Variants in COA1 observed in about 807,000 individuals in gnomAD.
COA1 encodes cytochrome c oxidase assembly factor 1.
Under a neutral mutation model 16.0 loss-of-function variants are expected in COA1, and 13 were observed. That is an observed-to-expected ratio of 0.81 (90% CI 0.53 to 1.29). The LOEUF is 1.29. Among genes scored for constraint, COA1 ranks in the 50% most tolerant of loss-of-function variants. COA1 has a pLI of 0.00. For missense variants in COA1, 179 were observed against 177.0 expected, an observed-to-expected ratio of 1.01 and a Z score of -0.06; for synonymous variants, 65 against 65.7, an observed-to-expected ratio of 0.99 and a Z score of 0.05.
At chr7:43,706,927 T>C (rs899167639) in intron 1 of COA1, among the ~76,000 whole-genome samples, 1 of 151,368 alleles carries the variant, frequency 6.6e-6, no homozygotes, top group Admixed American at 6.6e-5. Flanking sequence ...TCCCAGCACT[T>C]TGGGAGGCTG....
chr7:43,691,377 GAGGAAGGA>G (rs1196489846), intron 1 of COA1, among the ~76,000 whole-genome samples: 47 of 30,836 alleles, frequency 1.5e-3, no homozygotes, highest in East Asian at 8.4e-3. Context: ...GGGAGGGAGG[GAGGAAGGA>G]AGGAAGGAAG....
downstream of COA1, among the ~76,000 whole-genome samples, chr7:43,636,250 A>G (rs981828115): frequency 1.3e-5 from 2 of 152,214 alleles, no homozygotes; most frequent in Middle Eastern, 3.2e-3. Context: ...ACATGCCTGA[A>G]CCAGGAGCGC....
At chr7:43,688,351 TAAA>T (rs11334124) in intron 1 of COA1, among the ~76,000 whole-genome samples, 1 of 152,074 alleles carries the variant, frequency 6.6e-6, no homozygotes, top group African/African-American at 2.4e-5. Flanking sequence ...ATTTTTATGA[TAAA>T]AAAACTTTCA....
intron 1 of COA1, among the ~76,000 whole-genome samples, chr7:43,711,897 CATATAAT>C (rs1479786283): frequency 6.6e-6 from 1 of 152,118 alleles, no homozygotes; most frequent in African/African-American, 2.4e-5. Flanking sequence ...CATGACTGAA[CATATAAT>C]ATATAAAATA....
intron 1 of COA1, among the ~76,000 whole-genome samples, chr7:43,679,238 G>C (rs2093659796): frequency 1.6e-5 from 2 of 123,920 alleles, no homozygotes; most frequent in South Asian, 5.1e-4. Flanking sequence ...CTGTGCTCCA[G>C]CCTGGGCAAG....
At chr7:43,633,804 ATT>A (rs34223598) in intron 6 of COA1, among the ~76,000 whole-genome samples, 1 of 149,726 alleles carries the variant, frequency 6.7e-6, no homozygotes, top group Non-Finnish European at 1.5e-5. Context: ...ACTCTCAGCC[ATT>A]TTTTTTTTCA....
intron 1 of COA1, among the ~76,000 whole-genome samples, chr7:43,693,151 T>C (rs1172203659): frequency 1.3e-5 from 2 of 152,114 alleles, no homozygotes; most frequent in Non-Finnish European, 1.5e-5. Context: ...CTTACATCCC[T>C]CTTCCCAGCA....
chr7:43,608,542 C>T lies in COA1; in HGVS notation c.*1087G>A. The T allele has an allele frequency of 5.5e-6, 5 of 917,250 alleles. No individual in the cohort carries two copies. The South Asian group carries it at 9.2e-5, about 17-fold the overall frequency. 56.8% of individuals were successfully genotyped at this position (917,250 alleles called of 1,614,324 possible). ...ATTAGAATTGAGTCTTTACTCCTATCCTCTAGCCAGTTAGTTTTATCAGGG... is the reference window on the plus strand; with the variant it reads ...ATTAGAATTGAGTCTTTACTCCTATTCTCTAGCCAGTTAGTTTTATCAGGG... On this transcript the variant is annotated 3_prime_UTR_variant and NMD_transcript_variant, in exon 7 of 7. Coordinates refer to the COA1 transcript ENST00000415076.
intron 6 of COA1, chr7:43,623,419 A>G: frequency 1.6e-6 from 1 of 640,992 alleles, no homozygotes; most frequent in South Asian, 1.9e-5. Context: ...GTTAGGCTTT[A>G]TATTAATTCA....
intron 6 of COA1, among the ~76,000 whole-genome samples, chr7:43,616,378 A>C (rs1290140926): frequency 3.3e-5 from 5 of 152,142 alleles, no homozygotes; most frequent in Non-Finnish European, 7.4e-5. Flanking sequence ...ACACCCTGTT[A>C]ATTTTTTTAT....
At chr7:43,609,956 G>A (rs905050847) in intron 6 of COA1, among the ~76,000 whole-genome samples, 2 of 152,238 alleles carry the variant, frequency 1.3e-5, no homozygotes, top group African/African-American at 4.8e-5. Context: ...GGAAGGGCTT[G>A]TTAATACAAA....
At chr7:43,623,742 A>G in intron 6 of COA1, 1 of 1,606,766 alleles carries the variant, frequency 6.2e-7, no homozygotes, top group Non-Finnish European at 8.5e-7. Context: ...TCATGCTTAC[A>G]GGAATATCAC....
intron 6 of COA1, among the ~76,000 whole-genome samples, chr7:43,617,885 T>C (rs1042820319): frequency 6.6e-5 from 10 of 151,910 alleles, no homozygotes; most frequent in Non-Finnish European, 1.3e-4. Context: ...CAGCCAGAGA[T>C]AGGAAGAAAG....
At chr7:43,725,158 A>C (rs1049435633) in intron 1 of COA1, among the ~76,000 whole-genome samples, 1 of 152,082 alleles carries the variant, frequency 6.6e-6, no homozygotes, top group Non-Finnish European at 1.5e-5. Context: ...GAATCACTTG[A>C]ACCCGGGAGG....
chr7:43,689,794 A>G (rs2130877413), intron 1 of COA1, among the ~76,000 whole-genome samples: 1 of 152,328 alleles, frequency 6.6e-6, no homozygotes, highest in Non-Finnish European at 1.5e-5. Context: ...CTTGTATGAA[A>G]TAGTGTATTA....
At chr7:43,709,435 TG>T (rs1414381592) in intron 1 of COA1, among the ~76,000 whole-genome samples, 32 of 20,088 alleles carry the variant, frequency 1.6e-3, no homozygotes, top group African/African-American at 5.9e-3. Context: ...TTTGTTTTAT[TG>T]TGTGTGTGTG....
chr7:43,712,595 A>C (rs1052974631), intron 1 of COA1, among the ~76,000 whole-genome samples: 1 of 152,194 alleles, frequency 6.6e-6, no homozygotes, highest in Non-Finnish European at 1.5e-5. Flanking sequence ...CAGTGTGGGT[A>C]TATTTATTAG....
At chr7:43,728,599 T>C (rs1021044569) in intron 1 of COA1, among the ~76,000 whole-genome samples, 1 of 152,188 alleles carries the variant, frequency 6.6e-6, no homozygotes, top group Non-Finnish European at 1.5e-5. Flanking sequence ...ATCAAGACCC[T>C]GTAGGCCCTT....
intron 4 of COA1, among the ~76,000 whole-genome samples, chr7:43,643,680 T>C (rs1032248278): frequency 2.6e-5 from 4 of 152,144 alleles, no homozygotes; most frequent in African/African-American, 9.7e-5. Flanking sequence ...CATCCGTCTT[T>C]TGCTTCTCCA....
Sources: allele counts gnomAD v4.1 joint callset (sites outside exome capture counted in the v4.1 genomes callset), GRCh38; gene constraint gnomAD v4.1.1; transcripts MANE v1.5; gene names NCBI Gene and HGNC (gene_info 2026-07-23, HGNC 2026-07-21).